PTPN14: variants seen among roughly 807,000 people sequenced by gnomAD.
PTPN14 encodes the protein protein tyrosine phosphatase non-receptor type 14.
PTPN14 carries 53 observed loss-of-function variants against 126.8 expected under a neutral mutation model. That is an observed-to-expected ratio of 0.42 (90% CI 0.34 to 0.53). PTPN14 has a LOEUF of 0.53. PTPN14 is among the 20% of genes least tolerant of loss of function. The pLI is 0.08. For missense variants in PTPN14, 1,257 were observed against 1,552.9 expected (o/e 0.81, Z 3.20); for synonymous variants, 630 against 599.3 (o/e 1.05, Z -0.75).
chr1:214,443,050 C>T (rs752454545), intron 3 of PTPN14, among the ~76,000 whole-genome samples: 1 of 151,892 alleles, frequency 6.6e-6, no homozygotes, highest in Non-Finnish European at 1.5e-5. Context: ...CTCGAACTCC[C>T]GACCTCAAGT....
intron 17 of PTPN14, 118 bp downstream of exon 17, chr1:214,369,338 TA>T: frequency 1.2e-6 from 1 of 857,052 alleles, no homozygotes; most frequent in Non-Finnish European, 1.9e-6. Context: ...TTCAATATTA[TA>T]ATACTTTTGC....
intron 3 of PTPN14, among the ~76,000 whole-genome samples, chr1:214,433,951 CAAAAAAAAAAAAAA>C (rs1158472144): frequency 1.2e-4 from 12 of 98,566 alleles, no homozygotes; most frequent in Non-Finnish European, 2.2e-4. Flanking sequence ...CACACACACA[CAAAAAAAAAAAAAA>C]AAAAAAACTC....
intron 3 of PTPN14, among the ~76,000 whole-genome samples, chr1:214,435,021 T>C (rs1462321822): frequency 2.0e-5 from 3 of 152,220 alleles, no homozygotes; most frequent in Non-Finnish European, 4.4e-5. Context: ...TGTGAATTTG[T>C]ATTGGGCTGC....
At chr1:214,527,068 GCAA>G (rs1655417889) in intron 1 of PTPN14, among the ~76,000 whole-genome samples, 1 of 151,360 alleles carries the variant, frequency 6.6e-6, no homozygotes, top group African/African-American at 2.4e-5. Context: ...TCCAGCCTGG[GCAA>G]CAACAGCAAA....
At chr1:214,467,101 G>C (rs1022019136) in intron 1 of PTPN14, among the ~76,000 whole-genome samples, 1 of 152,112 alleles carries the variant, frequency 6.6e-6, no homozygotes, top group Non-Finnish European at 1.5e-5. Flanking sequence ...TGTTGGCAGA[G>C]TATCATGTTT....
intron 1 of PTPN14, among the ~76,000 whole-genome samples, chr1:214,534,774 C>T (rs1444881639): frequency 1.4e-5 from 2 of 147,280 alleles, no homozygotes; most frequent in Non-Finnish European, 3.0e-5. Flanking sequence ...ATCTTTGCTC[C>T]CTTCCTATAA....
chr1:214,435,189 A>G (rs1018445418), intron 3 of PTPN14, among the ~76,000 whole-genome samples: 3 of 151,972 alleles, frequency 2.0e-5, no homozygotes, highest in Non-Finnish European at 4.4e-5. Context: ...TTATTTATAT[A>G]TTGGGCCAGG....
At chr1:214,396,028 A>T (rs1002616631) in intron 8 of PTPN14, among the ~76,000 whole-genome samples, 2 of 152,078 alleles carry the variant, frequency 1.3e-5, no homozygotes, top group African/African-American at 2.4e-5. Context: ...AGCAGACCAC[A>T]GGCCCCATAC....
rs368756801 is a variant in PTPN14 at position 214,448,664 on chromosome 1, T to C, written c.344+3141A>G. 7.8e-4 allele frequency among the ~76,000 whole-genome samples: 119 copies of C among 152,326 alleles called. 2 individuals carry two copies. In the South Asian group the frequency reaches 0.024, roughly 30 times the overall value. On this transcript the variant is annotated intron_variant, in intron 3 of 18. Coordinates refer to ENST00000366956, the MANE Select transcript of PTPN14 (RefSeq NM_005401.5). Reference sequence around the variant, plus strand: ...TTATAAGTGCTCCAGGTAACTATGATACAGCAGGCCCTGGTCTTTTGAGAA... The same window carrying C: ...TTATAAGTGCTCCAGGTAACTATGACACAGCAGGCCCTGGTCTTTTGAGAA...
chr1:214,436,525 A>G (rs1659919778), intron 3 of PTPN14, among the ~76,000 whole-genome samples: 1 of 152,206 alleles, frequency 6.6e-6, no homozygotes, highest in South Asian at 2.1e-4. Context: ...GGCTGGGTAC[A>G]GTGGCTCATG....
intron 3 of PTPN14, among the ~76,000 whole-genome samples, chr1:214,442,012 G>C (rs533254213): frequency 1.3e-5 from 2 of 152,052 alleles, no homozygotes; most frequent in Non-Finnish European, 2.9e-5. Flanking sequence ...AATTCACAAA[G>C]GATAAAAATC....
intron 3 of PTPN14, among the ~76,000 whole-genome samples, chr1:214,441,140 GAA>G (rs1281668596): frequency 1.3e-5 from 2 of 152,154 alleles, no homozygotes; most frequent in Non-Finnish European, 2.9e-5. Flanking sequence ...ACTTGTTAGA[GAA>G]AAAACTTCTG....
chr1:214,488,705 A>C (rs773082125), intron 1 of PTPN14, among the ~76,000 whole-genome samples: 24 of 152,194 alleles, frequency 1.6e-4, no homozygotes, highest in African/African-American at 4.3e-4. Flanking sequence ...GAAAGCTCAT[A>C]ATCTAGTGGG....
At chr1:214,377,340 A>G (rs762392438) in intron 14 of PTPN14, among the ~76,000 whole-genome samples, 84 of 152,288 alleles carry the variant, frequency 5.5e-4, no homozygotes, top group Non-Finnish European at 1.1e-3. Context: ...TTATGAACAC[A>G]AAGAAGGAAA....
Position 214,350,442 on chromosome 1 carries a change from A to G in PTPN14, c.*7480T>C, listed in dbSNP as rs894636033. 6.6e-6 allele frequency: 1 copy of G among 151,302 alleles called. No individual in the cohort carries two copies. The highest frequency in any genetic ancestry group is 1.5e-5 in the Non-Finnish European group (1 of 67,958). 9.4% of individuals were successfully genotyped at this position (151,302 alleles called of 1,614,324 possible). ...ATTTTTTCTAATAGTGACTGATTCT[A>G]TCGGCAAGGGAACAAAAGGGTGAGA... On this transcript the variant is annotated 3_prime_UTR_variant, in exon 19 of 19. Coordinates refer to ENST00000366956, the MANE Select transcript of PTPN14 (RefSeq NM_005401.5).
intron 3 of PTPN14, among the ~76,000 whole-genome samples, chr1:214,422,521 T>G (rs2102595319): frequency 6.6e-6 from 1 of 152,200 alleles, no homozygotes; most frequent in South Asian, 2.1e-4. Flanking sequence ...GCCCTGAAAA[T>G]CGTGTGTTCA....
rs773829623 is a variant in PTPN14, at chr1:214,464,789, C to T, written c.15G>A (p.Leu5=). ...TGTAGCGCCGTGTCCGGCGGAGCTT[C>T]AGACCAAAAGGCATGGCTATGTGGT... MPFG[L]KLRRTRRYNV... is the part of the protein sequence containing the mutation. Residue 5 remains leucine (L), a synonymous_variant, in exon 2 of 19, where the codon CTG becomes CTA. Coordinates refer to ENST00000366956, the MANE Select transcript of PTPN14 (RefSeq NM_005401.5). 16 of 1,614,264 alleles carry T rather than the reference C, an allele frequency of 9.9e-6. No individual in the cohort carries two copies. The South Asian group carries it at 1.5e-4, about 16-fold the overall frequency.
At chr1:214,381,966 G>A (rs187672274) in intron 13 of PTPN14, among the ~76,000 whole-genome samples, 17 of 149,062 alleles carry the variant, frequency 1.1e-4, no homozygotes, top group Admixed American at 8.0e-4. Flanking sequence ...GTGCAGTGGT[G>A]CCATCTCGGC....
intron 3 of PTPN14, among the ~76,000 whole-genome samples, chr1:214,451,080 T>A (rs1260644973): frequency 1.3e-5 from 2 of 152,194 alleles, no homozygotes; most frequent in African/African-American, 4.8e-5. Context: ...AAATTCGAAG[T>A]CTGATACCAC....
Sources: allele counts gnomAD v4.1 joint callset (sites outside exome capture counted in the v4.1 genomes callset), GRCh38; gene constraint gnomAD v4.1.1; transcripts MANE v1.5; gene names NCBI Gene and HGNC (gene_info 2026-07-23, HGNC 2026-07-21).